Variants in RB1CC1 observed in about 807,000 individuals in gnomAD.
RB1CC1 encodes the protein RB1-inducible coiled-coil protein 1.
A neutral mutation model predicts 177.5 loss-of-function variants in RB1CC1; 46 were observed. The observed-to-expected ratio is 0.26, with a 90% CI of 0.20 to 0.33. RB1CC1 has a LOEUF of 0.33. Among genes scored for constraint, RB1CC1 ranks in the 10% least tolerant of loss-of-function variants. The pLI is 1.00. For synonymous variants in RB1CC1, 666 were observed against 613.6 expected (o/e 1.09, Z -1.26); for missense variants, 1,703 against 1,816.3 (o/e 0.94, Z 1.13).
intron 1 of RB1CC1, among the ~76,000 whole-genome samples, chr8:52,707,291 T>G (rs1056278167): frequency 6.6e-5 from 10 of 152,180 alleles, no homozygotes; most frequent in African/African-American, 2.4e-4. Flanking sequence ...GAAATCCTAC[T>G]GTTACCTCAA....
At chr8:52,631,751 T>C (rs895348062) in intron 20 of RB1CC1, among the ~76,000 whole-genome samples, 2 of 152,208 alleles carry the variant, frequency 1.3e-5, no homozygotes, top group Non-Finnish European at 2.9e-5. Flanking sequence ...CAGTCCTCTC[T>C]TGCTGAGGCA....
chr8:52,625,226 A>G (rs985660292), intron 22 of RB1CC1, among the ~76,000 whole-genome samples: 1 of 152,202 alleles, frequency 6.6e-6, no homozygotes. Context: ...TTTTAATACA[A>G]GTTCTCAAAG....
chr8:52,632,911 C>T (rs915998743), intron 20 of RB1CC1, among the ~76,000 whole-genome samples: 8 of 152,164 alleles, frequency 5.3e-5, no homozygotes, highest in Non-Finnish European at 2.9e-5. Flanking sequence ...ATTGCTTTCT[C>T]GGCCCCACTG....
Position 52,685,491 on chromosome 8 carries a change from G to GAGGTATA in RB1CC1, c.-23_-22insTATACCT. 6.8e-7 allele frequency: 1 copy of GAGGTATA among 1,468,868 alleles called. No homozygotes were observed. Among genetic ancestry groups the GAGGTATA allele is most frequent in the Non-Finnish European group, 9.5e-7 (1 of 1,055,330 alleles). 91.0% of individuals were successfully genotyped at this position (1,468,868 alleles called of 1,614,324 possible). A position where few individuals can be genotyped will look rare whatever the true frequency, so the allele number is the denominator to read the frequency against. The stretch of plus-strand genomic sequence containing the variant: ...TCATGATGATTTATCTGAATTCTGT[G>GAGGTATA]AGCTTATACCTCACCCTCTGATACA... On this transcript the variant is annotated 5_prime_UTR_variant, in exon 3 of 24. Transcript: ENST00000025008.
chr8:52,699,646 T>TG (rs1467032008), intron 1 of RB1CC1, among the ~76,000 whole-genome samples: 9 of 80,710 alleles, frequency 1.1e-4, no homozygotes, highest in East Asian at 1.6e-3. Flanking sequence ...CTGTCTCTAG[T>TG]GAAAAAAAAA....
chr8:52,671,102 A>T (rs1217533664), intron 7 of RB1CC1, among the ~76,000 whole-genome samples: 1 of 152,222 alleles, frequency 6.6e-6, no homozygotes, highest in Non-Finnish European at 1.5e-5. Context: ...CTCTTAATCC[A>T]CAAAAATATA....
intron 5 of RB1CC1, among the ~76,000 whole-genome samples, chr8:52,679,162 G>C (rs1853455049): frequency 6.6e-6 from 1 of 152,132 alleles, no homozygotes; most frequent in Admixed American, 6.6e-5. Flanking sequence ...ATCAAGCTGG[G>C]AACTATGTCA....
At position 52,656,054 on chromosome 8, in the gene RB1CC1, C is replaced by T. The variant is rs1374720396; in HGVS notation, c.3775G>A (p.Glu1259Lys). The change falls in exon 15 of 24, where the codon GAG (glutamate) becomes AAG (lysine). Residue 1259 changes from glutamate (E) to lysine (K), a missense_variant. Glu to Lys is a moderately conservative substitution (Grantham distance 56). Around this residue, in one of 6 missense-constraint regions of RB1CC1, gnomAD observed 1,169 missense variants for 1,184.7 expected, o/e 0.99. Coordinates refer to ENST00000025008, the MANE Select transcript of RB1CC1 (RefSeq NM_014781.5). ...FKLEREVVEK[E>K]LLEKVKHLEN... is the part of the protein sequence containing the mutation. ...AGATGTTTAACTTTTTCTAATAACT[C>T]TTTCTCAACAACTTCTCTCTCCAAT... The T allele has an allele frequency of 1.2e-6, 2 of 1,612,242 alleles. No individual in the cohort carries two copies. Among genetic ancestry groups the T allele is most frequent in the Non-Finnish European group, 1.7e-6 (2 of 1,179,366 alleles).
Position 52,685,487 on chromosome 8 carries a change from C to A in RB1CC1, c.-18G>T. The A allele has an allele frequency of 6.6e-7, 1 of 1,513,754 alleles. No individual in the cohort carries two copies. Among genetic ancestry groups the A allele is most frequent in the South Asian group, 1.1e-5 (1 of 87,480 alleles). 93.8% of individuals were successfully genotyped at this position (1,513,754 alleles called of 1,614,324 possible). On this transcript the variant is annotated 5_prime_UTR_variant, in exon 3 of 24. Transcript: ENST00000025008. ...AACTTCATGATGATTTATCTGAATT[C>A]TGTGAGCTTATACCTCACCCTCTGA...
chr8:52,694,556 C>T (rs962364263), intron 1 of RB1CC1, among the ~76,000 whole-genome samples: 3 of 152,184 alleles, frequency 2.0e-5, no homozygotes, highest in African/African-American at 7.2e-5. Flanking sequence ...GCCTAAAATA[C>T]TTAACTATCT....
At chr8:52,665,124 A>C (rs1180730819) in intron 8 of RB1CC1, among the ~76,000 whole-genome samples, 2 of 152,172 alleles carry the variant, frequency 1.3e-5, no homozygotes, top group East Asian at 3.9e-4. Flanking sequence ...AATATGAATA[A>C]ATATACGAAT....
At chr8:52,659,815 G>T (rs566129617) in intron 12 of RB1CC1, among the ~76,000 whole-genome samples, 1 of 152,140 alleles carries the variant, frequency 6.6e-6, no homozygotes, top group Non-Finnish European at 1.5e-5. Flanking sequence ...TGGCCAACAC[G>T]GTGAAACCCC....
chr8:52,711,622 A>G (rs907321415), intron 1 of RB1CC1, among the ~76,000 whole-genome samples: 5 of 152,184 alleles, frequency 3.3e-5, no homozygotes, highest in African/African-American at 4.8e-5. Flanking sequence ...TTCAATTAGC[A>G]TTTCAGGAAT....
At chr8:52,705,326 G>A (rs1856451880) in intron 1 of RB1CC1, among the ~76,000 whole-genome samples, 1 of 152,134 alleles carries the variant, frequency 6.6e-6, no homozygotes, top group Admixed American at 6.6e-5. Flanking sequence ...TATGACAAAT[G>A]GCTATCCATA....
At chr8:52,664,513 G>A (rs1459384133) in intron 8 of RB1CC1, among the ~76,000 whole-genome samples, 3 of 152,102 alleles carry the variant, frequency 2.0e-5, no homozygotes, top group Admixed American at 2.0e-4. Flanking sequence ...TATTCCATGA[G>A]CTACCATAGT....
At chr8:52,642,251 G>A (rs1381701424) in intron 18 of RB1CC1, 100 bp downstream of exon 18, 3 of 1,423,432 alleles carry the variant, frequency 2.1e-6, no homozygotes, top group African/African-American at 2.9e-5. Context: ...TACATGGGCT[G>A]TGGACAACCA....
In RB1CC1 at chr8:52,642,401, T is replaced by C. The variant is rs766310491; in HGVS notation, c.4287A>G (p.Ala1429=). The C allele has an allele frequency of 6.2e-7, 1 of 1,614,118 alleles. No individual in the cohort carries two copies. Among genetic ancestry groups the C allele is most frequent in the South Asian group, 1.1e-5 (1 of 91,082 alleles). ...TTGCTGAATCCACTCTTCCTTCATC[T>C]GCTGTTTCCACAGCGGATCTATCTG... ...GESDRSAVET[A]DEGRVDSAME... The change falls in exon 18 of 24, where the codon GCA becomes GCG. Residue 1429 remains alanine, a synonymous_variant. Transcript: ENST00000025008.
intron 15 of RB1CC1, among the ~76,000 whole-genome samples, chr8:52,652,131 T>C (rs1012595911): frequency 6.6e-6 from 1 of 152,152 alleles, no homozygotes; most frequent in Non-Finnish European, 1.5e-5. Context: ...AGAACAATGG[T>C]ACTCTTCTAA....
intron 7 of RB1CC1, among the ~76,000 whole-genome samples, chr8:52,668,827 C>CGG (rs1357067180): frequency 6.6e-6 from 1 of 152,194 alleles, no homozygotes; most frequent in Non-Finnish European, 1.5e-5. Context: ...GACCTTGCTT[C>CGG]ACTTGAGGCT....
Sources: gnomAD v4.1 joint callset for allele counts (sites outside exome capture counted in the v4.1 genomes callset) on GRCh38, gnomAD v4.1.1 for gene constraint, gnomAD v4.1.1 regional missense constraint, MANE v1.5 for transcripts, NCBI Gene and HGNC (gene_info 2026-07-23, HGNC 2026-07-21) for gene names.